Variants in THOC5 observed in about 807,000 individuals in gnomAD.
The protein encoded by THOC5 is THO complex subunit 5, also known as Fms-interacting protein.
THOC5 carries 43 observed loss-of-function variants against 92.9 expected under a neutral mutation model. That is an observed-to-expected ratio of 0.46 (90% CI 0.36 to 0.60). The LOEUF is 0.60. Ranked by LOEUF, THOC5 falls within the 20% of genes least tolerant of loss-of-function variation. THOC5 has a pLI of 0.00. For missense variants in THOC5, 659 were observed against 849.4 expected, an observed-to-expected ratio of 0.78 and a Z score of 2.79; for synonymous variants, 296 against 320.1, an observed-to-expected ratio of 0.92 and a Z score of 0.80.
At chr22:29,532,469 G>C (rs1260911468) in intron 7 of THOC5, among the ~76,000 whole-genome samples, 1 of 151,848 alleles carries the variant, frequency 6.6e-6, no homozygotes, top group Non-Finnish European at 1.5e-5. Flanking sequence ...ATCAAGACCA[G>C]CCTGACGGAC....
chr22:29,535,566 A>T (rs746186828), intron 7 of THOC5, among the ~76,000 whole-genome samples: 3 of 152,104 alleles, frequency 2.0e-5, no homozygotes, highest in Non-Finnish European at 2.9e-5. Context: ...CTTCTTTCAT[A>T]TTTCAGTTAT....
chr22:29,537,512 G>A (rs1206102936), intron 6 of THOC5, among the ~76,000 whole-genome samples: 7 of 152,056 alleles, frequency 4.6e-5, no homozygotes, highest in Admixed American at 2.6e-4. Context: ...AGTGACATGC[G>A]CCTGTAATCC....
Position 29,508,469 on chromosome 22 carries a change from G to GA in THOC5, c.2039dup (p.Ser681GlnfsTer31). The GA allele has an allele frequency of 6.2e-7, 1 of 1,614,212 alleles. No homozygotes were observed. The highest frequency in any genetic ancestry group is 1.3e-5 in the African/African-American group (1 of 75,068). On this transcript the variant is annotated frameshift_variant, in exon 20 of 20. Coordinates refer to ENST00000490103, the MANE Select transcript of THOC5 (RefSeq NM_003678.5). LOFTEE classifies it high-confidence loss of function. ...TCTGCGCGGGAGATCAGCGATGGCT[G>GA]AAGAATCCCTGAGGATGGTTGTATT...
intron 5 of THOC5, among the ~76,000 whole-genome samples, chr22:29,540,810 C>T (rs1374903658): frequency 1.3e-5 from 2 of 152,214 alleles, no homozygotes. Flanking sequence ...CAGGAACTGA[C>T]ACTGGTACAA....
At chr22:29,534,849 C>T (rs1446798183) in intron 7 of THOC5, 1 of 150,938 alleles carries the variant, frequency 6.6e-6, no homozygotes, top group Non-Finnish European at 1.5e-5. Context: ...GTTCTAGCTA[C>T]TCAGGAGGCT....
At chr22:29,513,580 T>C (rs961217989) in intron 17 of THOC5, among the ~76,000 whole-genome samples, 1 of 151,864 alleles carries the variant, frequency 6.6e-6, no homozygotes, top group Non-Finnish European at 1.5e-5. Context: ...CCCAGCTGCT[T>C]AGGAGGCCAA....
At chr22:29,552,940 C>T (rs1375618796) in intron 1 of THOC5, among the ~76,000 whole-genome samples, 1 of 152,134 alleles carries the variant, frequency 6.6e-6, no homozygotes, top group Admixed American at 6.5e-5. Flanking sequence ...TAGCCTTACC[C>T]CCAACCCCGT....
At chr22:29,550,539 C>G (rs2064120594) in intron 1 of THOC5, among the ~76,000 whole-genome samples, 1 of 152,094 alleles carries the variant, frequency 6.6e-6, no homozygotes, top group Admixed American at 6.6e-5. Context: ...TGCAGTGGCA[C>G]AATCATCACT....
At chr22:29,511,380 G>T in intron 18 of THOC5, 84 bp from the exon 19 acceptor site, 1 of 1,472,560 alleles carries the variant, frequency 6.8e-7, no homozygotes, top group Non-Finnish European at 9.2e-7. Flanking sequence ...CCCTGGATGG[G>T]CCCGAGCGCT....
At chr22:29,525,999 T>A in intron 11 of THOC5, 53 bp from the exon 12 acceptor site, 9 of 964,600 alleles carry the variant, frequency 9.3e-6, no homozygotes, top group Non-Finnish European at 1.1e-5. Context: ...CAGAGCAGAG[T>A]GAACAGAGTC....
At position 29,531,819 on chromosome 22, in the gene THOC5, C is replaced by T; in HGVS notation, c.847+12G>A. 1 of 1,613,194 alleles carries T rather than the reference C, an allele frequency of 6.2e-7. No individual in the cohort carries two copies. Among genetic ancestry groups the T allele is most frequent in the Non-Finnish European group, 8.5e-7 (1 of 1,179,504 alleles). On this transcript the variant is annotated intron_variant, in intron 8 of 19. Transcript: ENST00000490103. ...CCATAGCCCCTTGTCCTCACCCAGG[C>T]CCCATACTCACCACAGGCCTGCCCA... is the stretch of plus-strand genomic sequence containing the variant.
At chr22:29,520,959 G>C (rs1317705502) in intron 13 of THOC5, 39 bp downstream of exon 13, 1 of 1,520,848 alleles carries the variant, frequency 6.6e-7, no homozygotes, top group Admixed American at 1.7e-5. Flanking sequence ...GAGAAACTCA[G>C]AAGTAGAGAG....
chr22:29,547,214 T>G (rs1034502170), intron 2 of THOC5, among the ~76,000 whole-genome samples: 7 of 152,178 alleles, frequency 4.6e-5, no homozygotes, highest in Non-Finnish European at 8.8e-5. Flanking sequence ...CTCTCTCAAG[T>G]TCAAAGTTCC....
chr22:29,538,172 C>CGG (rs1015948386), intron 6 of THOC5, among the ~76,000 whole-genome samples: 4 of 152,048 alleles, frequency 2.6e-5, no homozygotes, highest in African/African-American at 9.6e-5. Flanking sequence ...TTAGTAGAGA[C>CGG]GGGGTTTCAC....
At position 29,517,136 on chromosome 22, in the gene THOC5, CAA is replaced by C; in HGVS notation, c.1594-22_1594-21del. On this transcript the variant is annotated intron_variant, in intron 16 of 19. Coordinates refer to ENST00000490103, the MANE Select transcript of THOC5 (RefSeq NM_003678.5). ...CAGCTCCTAGAAGAGGTACCACAGA[CAA>C]GAGGTGAACTGCTGGCTCCTCTGGT... 3.1e-6 allele frequency: 5 copies of C among 1,613,926 alleles called. No homozygotes were observed. Among genetic ancestry groups the C allele is most frequent in the Non-Finnish European group, 4.2e-6 (5 of 1,179,840 alleles).
At position 29,543,347 on chromosome 22, in the gene THOC5, CAAAAAAAAAA is replaced by C. The variant is rs59948387; in HGVS notation, c.354+72_354+81del. On this transcript the variant is annotated intron_variant, in intron 4 of 19. Coordinates refer to ENST00000490103, the MANE Select transcript of THOC5 (RefSeq NM_003678.5). ...TGGGGGACAGAACGAGACTCTGTCT[CAAAAAAAAAA>C]AAAAAAAAAAAAAAAGAAGGGGATG... The C allele has an allele frequency of 6.8e-3, 3,191 of 466,112 alleles. 12 individuals are homozygous for C. The highest frequency in any genetic ancestry group is 0.04 in the Middle Eastern group (81 of 2,032). 28.9% of individuals were successfully genotyped at this position (466,112 alleles called of 1,614,324 possible).
chr22:29,549,385 G>C (rs1265255926), intron 1 of THOC5, among the ~76,000 whole-genome samples: 2 of 151,968 alleles, frequency 1.3e-5, no homozygotes, highest in Non-Finnish European at 2.9e-5. Context: ...ACTGACCTCG[G>C]AATCATCTAC....
intron 17 of THOC5, among the ~76,000 whole-genome samples, chr22:29,516,405 C>G (rs745318445): frequency 9.9e-5 from 15 of 152,136 alleles, no homozygotes; most frequent in African/African-American, 1.4e-4. Context: ...TGTCTTAGAA[C>G]TACAGACAAC....
chr22:29,531,127 G>T, intron 8 of THOC5: 1 of 1,180,230 alleles, frequency 8.5e-7, no homozygotes, highest in Non-Finnish European at 1.1e-6. Context: ...ATGGAAACAG[G>T]AGGGAGAACA....
Sources: allele counts gnomAD v4.1 joint callset (sites outside exome capture counted in the v4.1 genomes callset), GRCh38; gene constraint gnomAD v4.1.1; transcripts MANE v1.5; gene names NCBI Gene and HGNC (gene_info 2026-07-23, HGNC 2026-07-21).